The following UBQLN1 variants were observed in gnomAD, a reference collection of about 807,000 sequenced individuals.
UBQLN1 encodes the protein ubiquilin-1.
In UBQLN1, 13 loss-of-function variants were observed where a neutral mutation model predicts 65.4. The observed-to-expected ratio is 0.20, with a 90% confidence interval of 0.13 to 0.32. The LOEUF (loss-of-function observed/expected upper bound fraction) is 0.32. UBQLN1 is among the 10% of genes least tolerant of loss of function. The probability of loss-of-function intolerance (pLI) is 1.00; values close to 1 mark genes in which losing one functional copy is unlikely to be tolerated. For synonymous variants in UBQLN1, 267 were observed against 247.8 expected, an observed-to-expected ratio of 1.08 and a Z score of -0.73; for missense variants, 561 against 724.0, an observed-to-expected ratio of 0.77 and a Z score of 2.58.
Position 83,686,910 on chromosome 9 carries a change from C to CA in UBQLN1, c.181-756dup, listed in dbSNP as rs547128605. ...TATATAAGGCAAATATCCCAAAATCCAAAAAAACAAAAAAAGAAAAAAAAA... is the reference window on the plus strand; with the variant it reads ...TATATAAGGCAAATATCCCAAAATCCAAAAAAAACAAAAAAAGAAAAAAAAA... On this transcript the variant is annotated intron_variant, in intron 1 of 10. Transcript: ENST00000376395. Among the ~76,000 whole-genome samples, 137 of 147,900 alleles carry CA rather than the reference C, an allele frequency of 9.3e-4. 1 individual carries two copies. Among genetic ancestry groups the CA allele is most frequent in the East Asian group, 4.3e-3 (22 of 5,078 alleles).
At chr9:83,684,612 G>A (rs184590351) in intron 2 of UBQLN1, among the ~76,000 whole-genome samples, 367 of 152,230 alleles carry the variant, frequency 2.4e-3, no homozygotes, top group African/African-American at 8.2e-3. Flanking sequence ...AGGAGTTCGT[G>A]ACCAGCCTGG....
intron 10 of UBQLN1, among the ~76,000 whole-genome samples, chr9:83,662,502 C>A (rs1434890509): frequency 6.6e-6 from 1 of 151,966 alleles, no homozygotes; most frequent in Non-Finnish European, 1.5e-5. Context: ...ACTCTTAATT[C>A]TGACATTTCA....
intron 10 of UBQLN1, among the ~76,000 whole-genome samples, chr9:83,663,130 G>A (rs1831588419): frequency 6.7e-6 from 1 of 150,342 alleles, no homozygotes; most frequent in South Asian, 2.1e-4. Flanking sequence ...GGGGGAAGGG[G>A]AAGAGGAAAG....
chr9:83,682,932 A>G lies in UBQLN1; in HGVS notation c.448+19T>C. On this transcript the variant is annotated intron_variant, in intron 3 of 10. Coordinates refer to ENST00000376395, the MANE Select transcript of UBQLN1 (RefSeq NM_013438.5). ...GAGTATTTTTTCCCATCCCTACTGG[A>G]ATGACTAAAGACACTTACCTAAACC... The G allele has an allele frequency of 6.7e-7, 1 of 1,484,090 alleles. No individual in the cohort carries two copies. The highest frequency in any genetic ancestry group is 1.8e-4 in the Middle Eastern group (1 of 5,448). 91.9% of individuals were successfully genotyped at this position (1,484,090 alleles called of 1,614,324 possible).
chr9:83,705,411 A>G (rs1243418904), intron 1 of UBQLN1, among the ~76,000 whole-genome samples: 1 of 152,022 alleles, frequency 6.6e-6, no homozygotes, highest in African/African-American at 2.4e-5. Flanking sequence ...CACCACGCCC[A>G]GCTAAGTTTT....
In UBQLN1 at chr9:83,686,117, A is replaced by T; in HGVS notation, c.219T>A (p.Thr73=). ...EEISKRFKSH[T]DQLVLIFAGK... The stretch of plus-strand genomic sequence containing the variant: ...CAGCAAATATCAACACAAGTTGGTC[A>T]GTATGTGATTTAAAACGTTTAGAGA... Residue 73 remains threonine, a synonymous_variant, in exon 2 of 11, where the codon ACT becomes ACA. Transcript: ENST00000376395. 2 of 1,588,560 alleles carry T rather than the reference A, an allele frequency of 1.3e-6. No homozygotes were observed. Among genetic ancestry groups the T allele is most frequent in the Non-Finnish European group, 1.7e-6 (2 of 1,171,730 alleles).
intron 2 of UBQLN1, among the ~76,000 whole-genome samples, chr9:83,684,202 T>C (rs1235410324): frequency 6.6e-6 from 1 of 151,904 alleles, no homozygotes; most frequent in Non-Finnish European, 1.5e-5. Context: ...TTTATTTATT[T>C]ATTTTTTTAA....
intron 1 of UBQLN1, among the ~76,000 whole-genome samples, chr9:83,705,112 A>G (rs575198287): frequency 6.6e-6 from 1 of 152,348 alleles, no homozygotes; most frequent in South Asian, 2.1e-4. Flanking sequence ...TAAAATAGCT[A>G]AAATTACAGA....
intron 1 of UBQLN1, among the ~76,000 whole-genome samples, chr9:83,705,430 A>C (rs929762118): frequency 1.2e-4 from 18 of 152,092 alleles, no homozygotes; most frequent in Non-Finnish European, 2.2e-4. Context: ...TTGTATTTTT[A>C]GTAGAGACGG....
rs1831976344 is a variant in UBQLN1, at chr9:83,683,213, A to C, written c.333-147T>G. 9 of 498,562 alleles carry C rather than the reference A, an allele frequency of 1.8e-5. No individual in the cohort carries two copies. In the South Asian group the frequency reaches 2.0e-4, roughly 11 times the overall value. 30.9% of individuals were successfully genotyped at this position (498,562 alleles called of 1,614,324 possible). Reference sequence around the variant, plus strand: ...TGATCACGAGGTCAAGAGATAGAGAACATCCTGGCTAACACAGTGAAACCC... The same window carrying C: ...TGATCACGAGGTCAAGAGATAGAGACCATCCTGGCTAACACAGTGAAACCC... On this transcript the variant is annotated intron_variant, in intron 2 of 10. Transcript: ENST00000376395.
At chr9:83,684,672 G>A (rs1489008604) in intron 2 of UBQLN1, among the ~76,000 whole-genome samples, 6 of 152,086 alleles carry the variant, frequency 3.9e-5, no homozygotes, top group East Asian at 2.0e-4. Flanking sequence ...TTAGCCGGGC[G>A]TGGTGGCGCA....
chr9:83,706,211 G>A lies in UBQLN1; in HGVS notation c.180+1289C>T, dbSNP rs1832403426. Among the ~76,000 whole-genome samples, 7 of 152,306 alleles carry A rather than the reference G, an allele frequency of 4.6e-5. No individual in the cohort carries two copies. The South Asian group carries it at 1.4e-3, about 32-fold the overall frequency. The stretch of plus-strand genomic sequence containing the variant: ...ATGTACTGGTGTCATCTACTGATAC[G>A]TGCAACTTACTCTGAATTGCTCCCC... On this transcript the variant is annotated intron_variant, in intron 1 of 10. Coordinates refer to ENST00000376395, the MANE Select transcript of UBQLN1 (RefSeq NM_013438.5).
intron 6 of UBQLN1, among the ~76,000 whole-genome samples, chr9:83,676,358 T>A (rs1299235474): frequency 6.6e-6 from 1 of 152,186 alleles, no homozygotes; most frequent in African/African-American, 2.4e-5. Context: ...TTTTGGTTTT[T>A]TAGACAAAAG....
intron 1 of UBQLN1, among the ~76,000 whole-genome samples, chr9:83,705,146 C>A (rs982072386): frequency 6.6e-6 from 1 of 151,920 alleles, no homozygotes; most frequent in Non-Finnish European, 1.5e-5. Flanking sequence ...AAAATGTTAG[C>A]AGGGATATGG....
intron 6 of UBQLN1, among the ~76,000 whole-genome samples, chr9:83,672,200 C>G (rs948949016): frequency 2.0e-5 from 3 of 152,206 alleles, no homozygotes; most frequent in Non-Finnish European, 4.4e-5. Context: ...ATCCAGATCA[C>G]TACAATTTTC....
At position 83,666,550 on chromosome 9, in the gene UBQLN1, G is replaced by C. The variant is rs1831646856; in HGVS notation, c.1249-117C>G. On this transcript the variant is annotated intron_variant, in intron 7 of 10. Coordinates refer to ENST00000376395, the MANE Select transcript of UBQLN1 (RefSeq NM_013438.5). ...CTGGCACTTAAAAGGGAGGAAGGTA[G>C]AACATAAATAAAAAAAGGAAAAGGG... The C allele has an allele frequency of 7.8e-6, 7 of 895,168 alleles. No individual in the cohort carries two copies. In the East Asian group the frequency reaches 1.0e-4, roughly 13 times the overall value. The allele number at this position is 895,168 out of a possible 1,614,324, so 55.5% of individuals were successfully genotyped here.
intron 2 of UBQLN1, among the ~76,000 whole-genome samples, chr9:83,685,204 A>G (rs530860692): frequency 1.3e-5 from 2 of 152,362 alleles, no homozygotes; most frequent in East Asian, 3.9e-4. Context: ...AAACAACAGC[A>G]TAAAAACTTA....
At chr9:83,691,104 C>G (rs1832120257) in intron 1 of UBQLN1, among the ~76,000 whole-genome samples, 1 of 152,004 alleles carries the variant, frequency 6.6e-6, no homozygotes. Flanking sequence ...CGCCACTGCA[C>G]TCCAGCCTGG....
chr9:83,695,700 T>C (rs1188243890), intron 1 of UBQLN1, among the ~76,000 whole-genome samples: 1 of 152,168 alleles, frequency 6.6e-6, no homozygotes, highest in East Asian at 1.9e-4. Context: ...TGTTGCCATA[T>C]CTACAGGACA....
Sources: gnomAD v4.1 joint callset for allele counts (sites outside exome capture counted in the v4.1 genomes callset) on GRCh38, gnomAD v4.1.1 for gene constraint, MANE v1.5 for transcripts, NCBI Gene and HGNC (gene_info 2026-07-23, HGNC 2026-07-21) for gene names.